Variants in CSMD1 observed in about 807,000 individuals in gnomAD.
CSMD1 encodes CUB and sushi domain-containing protein 1.
CSMD1 carries 213 observed loss-of-function variants against 417.5 expected under a neutral mutation model. That is an observed-to-expected ratio of 0.51 (90% CI 0.46 to 0.57). The LOEUF is 0.57. Ranked by LOEUF, CSMD1 falls within the 20% of genes least tolerant of loss-of-function variation. CSMD1 has a pLI of 0.00. For synonymous variants in CSMD1, 2,862 were observed against 1,736.8 expected, an observed-to-expected ratio of 1.65 and a Z score of -16.11; for missense variants, 6,923 against 4,529.7, an observed-to-expected ratio of 1.53 and a Z score of -15.17.
At chr8:4,465,810 C>T (rs891995347) in intron 2 of CSMD1, among the ~76,000 whole-genome samples, 7 of 152,126 alleles carry the variant, frequency 4.6e-5, no homozygotes, top group African/African-American at 1.7e-4. Context: ...TTACTGCCAA[C>T]CCACCCCACA....
At chr8:3,365,080 G>A (rs1291152870) in intron 20 of CSMD1, among the ~76,000 whole-genome samples, 1 of 152,160 alleles carries the variant, frequency 6.6e-6, no homozygotes, top group Non-Finnish European at 1.5e-5. Flanking sequence ...AGAACTGGAG[G>A]AAGTGATATT....
At chr8:4,825,612 AAG>A (rs1799781508) in intron 1 of CSMD1, among the ~76,000 whole-genome samples, 2 of 76,006 alleles carry the variant, frequency 2.6e-5, no homozygotes, top group Admixed American at 1.0e-4. Flanking sequence ...AGAAAAGAAA[AAG>A]AGACATGTGA....
At chr8:4,746,914 ACT>A (rs1810991764) in intron 1 of CSMD1, among the ~76,000 whole-genome samples, 1 of 152,190 alleles carries the variant, frequency 6.6e-6, no homozygotes, top group Non-Finnish European at 1.5e-5. Flanking sequence ...ATTGTGGGAC[ACT>A]CTAGTGTAAT....
At chr8:3,789,831 G>T (rs1190615837) in intron 5 of CSMD1, among the ~76,000 whole-genome samples, 2 of 149,542 alleles carry the variant, frequency 1.3e-5, no homozygotes, top group East Asian at 2.0e-4. Flanking sequence ...CCCGGGGGTT[G>T]CACCATTCTC....
intron 1 of CSMD1, among the ~76,000 whole-genome samples, chr8:4,744,671 G>T (rs1372987444): frequency 2.0e-5 from 3 of 151,986 alleles, no homozygotes; most frequent in East Asian, 1.9e-4. Context: ...ACCAGTCTCT[G>T]GACCTTGTCA....
At chr8:3,965,229 G>C (rs937446998) in intron 5 of CSMD1, among the ~76,000 whole-genome samples, 5 of 152,170 alleles carry the variant, frequency 3.3e-5, no homozygotes, top group African/African-American at 1.2e-4. Context: ...CTTGAACAGA[G>C]ACGGCAAATG....
intron 3 of CSMD1, among the ~76,000 whole-genome samples, chr8:4,166,596 G>A (rs754114140): frequency 3.3e-5 from 5 of 152,116 alleles, no homozygotes; most frequent in Non-Finnish European, 7.3e-5. Context: ...GGACTTTGGG[G>A]ACTCACGGTG....
chr8:3,909,003 A>G (rs1808285709), intron 5 of CSMD1, among the ~76,000 whole-genome samples: 1 of 152,104 alleles, frequency 6.6e-6, no homozygotes, highest in African/African-American at 2.4e-5. Context: ...CTCCTTCACT[A>G]CTGTAGGAGG....
chr8:3,523,863 A>G (rs551294960), intron 10 of CSMD1, among the ~76,000 whole-genome samples: 7 of 151,222 alleles, frequency 4.6e-5, no homozygotes, highest in Non-Finnish European at 7.4e-5. Flanking sequence ...GCGCATGCAC[A>G]CACTTACACA....
chr8:4,763,655 G>A (rs1352858283), intron 1 of CSMD1, among the ~76,000 whole-genome samples: 14 of 152,126 alleles, frequency 9.2e-5, no homozygotes. Context: ...AATGGTCACT[G>A]AGATATAAAT....
chr8:3,218,697 C>T (rs1798026449), intron 29 of CSMD1, among the ~76,000 whole-genome samples: 1 of 151,758 alleles, frequency 6.6e-6, no homozygotes, highest in Non-Finnish European at 1.5e-5. Flanking sequence ...TATGATGAAA[C>T]CCAGTCTCTA....
At chr8:4,430,647 C>G (rs183325297) in intron 2 of CSMD1, among the ~76,000 whole-genome samples, 219 of 152,004 alleles carry the variant, frequency 1.4e-3, no homozygotes, top group Non-Finnish European at 2.6e-3. Flanking sequence ...AATCAATGCA[C>G]CAAGTTATTT....
At chr8:4,332,150 C>T (rs556971807) in intron 3 of CSMD1, among the ~76,000 whole-genome samples, 45 of 152,190 alleles carry the variant, frequency 3.0e-4, no homozygotes, top group African/African-American at 1.0e-3. Context: ...TGTCAAGTTG[C>T]TTAGGTCATG....
intron 2 of CSMD1, among the ~76,000 whole-genome samples, chr8:4,443,764 C>T (rs1258227086): frequency 1.3e-5 from 2 of 152,168 alleles, no homozygotes; most frequent in African/African-American, 4.8e-5. Context: ...ACTATAAACA[C>T]ATTCTATCTC....
chr8:4,904,055 G>T (rs1465092308), intron 1 of CSMD1, among the ~76,000 whole-genome samples: 1 of 152,080 alleles, frequency 6.6e-6, no homozygotes, highest in Non-Finnish European at 1.5e-5. Flanking sequence ...ATTAGTGTAA[G>T]ATTTGAGAAA....
chr8:3,427,456 A>G (rs544996561), intron 12 of CSMD1, among the ~76,000 whole-genome samples: 1 of 152,266 alleles, frequency 6.6e-6, no homozygotes, highest in Non-Finnish European at 1.5e-5. Context: ...CTATATATAT[A>G]TTTTTGAAAC....
chr8:3,687,595 G>A (rs1395272661), intron 7 of CSMD1, among the ~76,000 whole-genome samples: 10 of 152,120 alleles, frequency 6.6e-5, no homozygotes, highest in Non-Finnish European at 1.2e-4. Context: ...CTCTTGTAGG[G>A]ATCTCTTTGA....
At chr8:4,584,679 C>T (rs1373709692) in intron 2 of CSMD1, among the ~76,000 whole-genome samples, 2 of 152,122 alleles carry the variant, frequency 1.3e-5, no homozygotes, top group Non-Finnish European at 2.9e-5. Flanking sequence ...CTCTCAAAAG[C>T]ATGTCGCCCA....
chr8:3,314,116 G>C (rs1002925272), intron 23 of CSMD1, among the ~76,000 whole-genome samples: 3 of 151,260 alleles, frequency 2.0e-5, no homozygotes, highest in Non-Finnish European at 4.4e-5. Context: ...ACCGGAGCCT[G>C]TTGTGGGGTG....
Sources: gnomAD v4.1 joint callset for allele counts (sites outside exome capture counted in the v4.1 genomes callset) on GRCh38, gnomAD v4.1.1 for gene constraint, MANE v1.5 for transcripts, NCBI Gene and HGNC (gene_info 2026-07-23, HGNC 2026-07-21) for gene names.